POLN: variants seen among roughly 807,000 people sequenced by gnomAD.
POLN encodes the protein DNA polymerase nu, also known as DNA polymerase N.
POLN carries 108 observed loss-of-function variants against 113.5 expected under a neutral mutation model. The observed-to-expected ratio is 0.95, with a 90% confidence interval of 0.81 to 1.12. The LOEUF is 1.12. POLN is among the 50% of genes most tolerant of loss of function. The probability of loss-of-function intolerance (pLI) is 0.00; values close to 1 mark genes in which losing one functional copy is unlikely to be tolerated. For synonymous variants in POLN, 386 were observed against 391.5 expected, an observed-to-expected ratio of 0.99 and a Z score of 0.17; for missense variants, 1,097 against 1,077.1, an observed-to-expected ratio of 1.02 and a Z score of -0.26.
In POLN at chr4:2,189,013, G is replaced by T. The variant is rs532367128; in HGVS notation, c.1021+4191C>A. On this transcript the variant is annotated intron_variant, in intron 7 of 25. Transcript: ENST00000511885. Reference sequence around the variant, plus strand: ...ATAACTATAAGATTTTTTTTGTAAGGCTCCTTTTTATTTTTAGTGTATTTA... The same window carrying T: ...ATAACTATAAGATTTTTTTTGTAAGTCTCCTTTTTATTTTTAGTGTATTTA... 2.6e-5 allele frequency among the ~76,000 whole-genome samples: 4 copies of T among 151,658 alleles called. No individual in the cohort carries two copies. The South Asian group carries it at 8.4e-4, about 32-fold the overall frequency.
intron 20 of POLN, chr4:2,089,045 G>A: frequency 1.1e-6 from 1 of 877,840 alleles, no homozygotes; most frequent in Non-Finnish European, 1.9e-6. Flanking sequence ...CCCTAGCTTT[G>A]AACTTAGAAC....
In POLN at chr4:2,127,518, T is replaced by C. The variant is rs1731612870; in HGVS notation, c.1982+595A>G. ...AGAGGAGAGGGGTGAGAGAGAGCCT[T>C]GCACCCGTCTCTCCATCCTGCTTTG... On this transcript the variant is annotated intron_variant, in intron 19 of 25. Transcript: ENST00000511885. The surrounding 1 kb of genome is among the most constrained non-coding windows in gnomAD (Gnocchi z 4.7). Among the ~76,000 whole-genome samples the C allele has an allele frequency of 6.6e-6, 1 of 152,150 alleles. No individual in the cohort carries two copies. The highest frequency in any genetic ancestry group is 6.5e-5 in the Admixed American group (1 of 15,280).
chr4:2,080,796 CTG>C, intron 23 of POLN, 160 bp downstream of exon 23: 1 of 1,495,084 alleles, frequency 6.7e-7, no homozygotes, highest in Non-Finnish European at 8.9e-7. Flanking sequence ...TGCATGCCTG[CTG>C]TGAGTAGCCC....
chr4:2,072,242 G>A lies in POLN; in HGVS notation c.2575C>T (p.Gln859Ter). ...CCTGGCGGAGGGCCCCAGGCCTCCTGCAGTGGCACCAGGTGTCCCCATGAG... is the reference window on the plus strand; with the variant it reads ...CCTGGCGGAGGGCCCCAGGCCTCCTACAGTGGCACCAGGTGTCCCCATGAG... ...GRSWGHLVPL[Q>*]EAWGPPPGPC... The change falls in exon 26 of 26, where the codon CAG (glutamine) becomes TAG (stop). Residue 859 changes from glutamine to a stop codon, truncating the protein, a stop_gained. Transcript: ENST00000511885. LOFTEE classifies it low-confidence loss of function (END_TRUNC). The A allele has an allele frequency of 6.2e-7, 1 of 1,600,920 alleles. No individual in the cohort carries two copies. The highest frequency in any genetic ancestry group is 1.1e-5 in the South Asian group (1 of 90,722).
intron 22 of POLN, 93 bp from the exon 23 acceptor site, chr4:2,081,129 C>T (rs780268792): frequency 6.9e-6 from 11 of 1,605,290 alleles, no homozygotes; most frequent in Non-Finnish European, 9.3e-6. Flanking sequence ...CTCACGGTAC[C>T]TCCACACAGA....
At chr4:2,096,727 A>AGAGG (rs1224307227) in intron 19 of POLN, among the ~76,000 whole-genome samples, 3 of 151,612 alleles carry the variant, frequency 2.0e-5, no homozygotes, top group Admixed American at 6.6e-5. Context: ...AGAGAGAGAG[A>AGAGG]GAGACACACA....
intron 19 of POLN, among the ~76,000 whole-genome samples, chr4:2,102,901 C>G (rs563620124): frequency 8.1e-4 from 124 of 152,266 alleles, no homozygotes; most frequent in African/African-American, 2.9e-3. Context: ...AACAGAGAGT[C>G]ACATCTTCAG....
intron 23 of POLN, chr4:2,079,709 T>A: frequency 1.2e-6 from 1 of 800,712 alleles, no homozygotes; most frequent in Non-Finnish European, 1.5e-6. Flanking sequence ...CTCAGCCTCC[T>A]GAGTAGCTGG....
Position 2,208,321 on chromosome 4 carries a change from G to A in POLN, c.380C>T (p.Ser127Leu). 6.2e-7 allele frequency: 1 copy of A among 1,609,362 alleles called. No homozygotes were observed. The highest frequency in any genetic ancestry group is 1.1e-5 in the South Asian group (1 of 89,616). Residue 127 changes from serine to leucine, a missense_variant, in exon 5 of 26, where the codon TCA (serine) becomes TTA (leucine). Transcript: ENST00000511885. ...TTTATGCCCCTTTTTCTGTAGAACTGAAGCCTCTTGATTATACTGTGGAAT... is the reference window on the plus strand; with the variant it reads ...TTTATGCCCCTTTTTCTGTAGAACTAAAGCCTCTTGATTATACTGTGGAAT... ...CLIPQYNQEASVLQKKGHKRK... is the reference protein window; with the variant it reads ...CLIPQYNQEALVLQKKGHKRK...
rs1734099536 is a variant in POLN at position 2,215,794 on chromosome 4, T to TA, written c.134-2669dup. Among the ~76,000 whole-genome samples the TA allele has an allele frequency of 3.9e-5, 6 of 152,278 alleles. No homozygotes were observed. In the South Asian group the frequency reaches 1.2e-3, roughly 32 times the overall value. ...GCGGGCCTTTTCCTTGGGAAATTTA[T>TA]AAAAGGAAGGCACTGGGATGAACTA... On this transcript the variant is annotated intron_variant, in intron 3 of 25. Transcript: ENST00000511885.
intron 5 of POLN, among the ~76,000 whole-genome samples, chr4:2,204,964 T>C (rs1016046135): frequency 1.3e-5 from 2 of 152,126 alleles, no homozygotes; most frequent in Non-Finnish European, 2.9e-5. Context: ...CCATCTATTA[T>C]AAACCCACAG....
At chr4:2,120,553 G>A (rs564327438) in intron 19 of POLN, among the ~76,000 whole-genome samples, 3 of 152,040 alleles carry the variant, frequency 2.0e-5, no homozygotes, top group Admixed American at 1.3e-4. Flanking sequence ...GAGTGTAGTG[G>A]CGCGATCTCA....
intron 23 of POLN, chr4:2,078,726 C>T (rs762225559): frequency 2.2e-5 from 22 of 985,350 alleles, no homozygotes; most frequent in Non-Finnish European, 2.5e-5. Context: ...ATATTCCACA[C>T]GAGTCTGCTT....
At chr4:2,117,283 C>T (rs1174560194) in intron 19 of POLN, among the ~76,000 whole-genome samples, 1 of 152,196 alleles carries the variant, frequency 6.6e-6, no homozygotes, top group African/African-American at 2.4e-5. Context: ...AACCCTGAGT[C>T]AGTGGGATGA....
chr4:2,154,059 G>A (rs910838379), intron 16 of POLN, among the ~76,000 whole-genome samples: 3 of 151,124 alleles, frequency 2.0e-5, no homozygotes, highest in South Asian at 4.2e-4. Flanking sequence ...TTAGCCGGGC[G>A]TGGTGGCGGG....
chr4:2,162,967 G>A (rs2108743285), intron 13 of POLN, among the ~76,000 whole-genome samples: 1 of 137,022 alleles, frequency 7.3e-6, no homozygotes, highest in South Asian at 2.3e-4. Flanking sequence ...AGATTATTTT[G>A]GCTCTTTTTA....
chr4:2,072,899 GC>G, intron 25 of POLN, 68 bp downstream of exon 25: 1 of 1,537,094 alleles, frequency 6.5e-7, no homozygotes. Flanking sequence ...TGGCTCTTTT[GC>G]CCTGGGGGTG....
Position 2,154,087 on chromosome 4 carries a change from A to G in POLN, c.1731+2701T>C, listed in dbSNP as rs888488567. 2.0e-5 allele frequency among the ~76,000 whole-genome samples: 3 copies of G among 149,020 alleles called. No homozygotes were observed. The East Asian group carries it at 6.1e-4, about 30-fold the overall frequency. The stretch of plus-strand genomic sequence containing the variant: ...GTGGCGGGTGCCTGTAGTCCTAGCT[A>G]CTCGGGAGGCTGAGGCAGGAGAATG... On this transcript the variant is annotated intron_variant, in intron 16 of 25. Coordinates refer to ENST00000511885, the MANE Select transcript of POLN (RefSeq NM_181808.4).
chr4:2,101,811 A>G (rs929789665), intron 19 of POLN, among the ~76,000 whole-genome samples: 4 of 152,226 alleles, frequency 2.6e-5, no homozygotes, highest in African/African-American at 7.2e-5. Context: ...TGCAGCCACC[A>G]TCGTTGAAAG....
Sources: allele counts gnomAD v4.1 joint callset (sites outside exome capture counted in the v4.1 genomes callset), GRCh38; gene constraint gnomAD v4.1.1; non-coding constraint Gnocchi (gnomAD v3.1); transcripts MANE v1.5; gene names NCBI Gene and HGNC (gene_info 2026-07-23, HGNC 2026-07-21).